Variants in IL12RB1 observed in about 807,000 individuals in gnomAD.
The protein encoded by IL12RB1 is interleukin-12 receptor subunit beta-1.
In IL12RB1, 64 loss-of-function variants were observed where a neutral mutation model predicts 94.4. That is an observed-to-expected ratio of 0.68 (90% CI 0.55 to 0.83). IL12RB1 has a LOEUF of 0.83. Ranked by LOEUF, IL12RB1 falls within the 40% of genes least tolerant of loss-of-function variation. IL12RB1 has a pLI of 0.00. For missense variants in IL12RB1, 814 were observed against 855.6 expected (o/e 0.95, Z 0.61); for synonymous variants, 362 against 355.5 (o/e 1.02, Z -0.21).
intron 14 of IL12RB1, 59 bp downstream of exon 14, chr19:18,062,122 G>A: frequency 1.7e-6 from 2 of 1,182,402 alleles, no homozygotes; most frequent in Non-Finnish European, 2.5e-6. Context: ...CTCCACTTTA[G>A]GGCTCCCCTG....
At chr19:18,081,076 T>C in intron 3 of IL12RB1, 75 bp from the exon 4 acceptor site, 2 of 1,330,552 alleles carry the variant, frequency 1.5e-6, no homozygotes, top group Non-Finnish European at 2.1e-6. Flanking sequence ...GTGCATCACA[T>C]CCCAGCATCG....
At chr19:18,064,218 C>A (rs952067149) in intron 12 of IL12RB1, among the ~76,000 whole-genome samples, 3 of 145,068 alleles carry the variant, frequency 2.1e-5, no homozygotes, top group Non-Finnish European at 4.5e-5. Flanking sequence ...CGGCTCACTG[C>A]AAGCTCTGCC....
At chr19:18,077,383 A>G in intron 5 of IL12RB1, 133 bp downstream of exon 5, 1 of 728,818 alleles carries the variant, frequency 1.4e-6, no homozygotes, top group Non-Finnish European at 2.4e-6. Flanking sequence ...AAGAAAAAGA[A>G]AAAAACCACC....
upstream of IL12RB1, among the ~76,000 whole-genome samples, chr19:18,088,859 G>C (rs2036503868): frequency 6.6e-6 from 1 of 151,964 alleles, no homozygotes; most frequent in African/African-American, 2.4e-5. Context: ...GCGAAACCCT[G>C]TCTCTACTAA....
At chr19:18,061,326 G>T in intron 14 of IL12RB1, 129 bp from the exon 15 acceptor site, 1 of 577,908 alleles carries the variant, frequency 1.7e-6, no homozygotes, top group Non-Finnish European at 3.1e-6. Flanking sequence ...TGCCTCCTGG[G>T]TTCAATCGAT....
At chr19:18,087,120 C>A, upstream of IL12RB1, 1 of 503,420 alleles carries the variant, frequency 2.0e-6, no homozygotes, top group Non-Finnish European at 3.6e-6. Context: ...GGCCCCAGAC[C>A]TGAACTGAAC....
intron 4 of IL12RB1, 32 bp downstream of exon 4, chr19:18,080,800 A>G (rs1195074849): frequency 3.9e-6 from 6 of 1,527,162 alleles, no homozygotes; most frequent in Non-Finnish European, 4.5e-6. Flanking sequence ...TCTCTGGGTA[A>G]AAAACGGACG....
intron 10 of IL12RB1, 59 bp downstream of exon 10, chr19:18,069,487 C>A: frequency 6.7e-7 from 1 of 1,492,228 alleles, no homozygotes; most frequent in South Asian, 1.3e-5. Context: ...TTGAACCCAC[C>A]AGGACCTAAA....
chr19:18,068,623 A>C, intron 10 of IL12RB1, 97 bp from the exon 11 acceptor site: 1 of 976,774 alleles, frequency 1.0e-6, no homozygotes, highest in South Asian at 1.3e-5. Flanking sequence ...CCCCCAGAAA[A>C]CTCCTACTCA....
chr19:18,059,812 C>T, intron 16 of IL12RB1, 82 bp downstream of exon 16: 1 of 820,136 alleles, frequency 1.2e-6, no homozygotes, highest in Non-Finnish European at 2.1e-6. Flanking sequence ...GCCCTGATAT[C>T]CCAGGAGCGA....
intron 12 of IL12RB1, 62 bp from the exon 13 acceptor site, chr19:18,064,072 G>GT (rs2034374441): frequency 1.6e-6 from 2 of 1,236,218 alleles, no homozygotes; most frequent in Non-Finnish European, 2.4e-6. Flanking sequence ...GCCAGGCTGG[G>GT]CTACCACAGC....
intron 1 of IL12RB1, among the ~76,000 whole-genome samples, chr19:18,098,359 C>G (rs1016999768): frequency 7.4e-6 from 1 of 135,852 alleles, no homozygotes; most frequent in Non-Finnish European, 1.7e-5. Flanking sequence ...CAGAGGTCGC[C>G]TAGCTGGGAT....
intron 1 of IL12RB1, among the ~76,000 whole-genome samples, chr19:18,085,907 C>A (rs527445529): frequency 1.0e-3 from 151 of 151,250 alleles, no homozygotes; most frequent in Non-Finnish European, 1.8e-3. Flanking sequence ...CCGTGCAGGG[C>A]CTGAGATTAT....
Position 18,086,805 on chromosome 19 carries a change from A to G in IL12RB1, c.19T>C (p.Trp7Arg), listed in dbSNP as rs775656716. The G allele has an allele frequency of 5.6e-6, 9 of 1,611,766 alleles. No individual in the cohort carries two copies. The Middle Eastern group carries it at 9.9e-4, about 177-fold the overall frequency. The change falls in exon 1 of 17, where the codon TGG (tryptophan) becomes CGG (arginine). Residue 7 changes from tryptophan to arginine, a missense_variant. Trp to Arg is a moderately radical substitution (Grantham distance 101). Transcript: ENST00000593993. ...AAGAGGAAGAGGAGGGGGACCACCC[A>G]GGTCACCAGCGGCTCCATCGGATCC... MEPLVTWVVPLLFLFLL... is the reference protein window; with the variant it reads MEPLVTRVVPLLFLFLL...
intron 1 of IL12RB1, among the ~76,000 whole-genome samples, chr19:18,083,990 T>C (rs1226712942): frequency 4.4e-4 from 65 of 146,924 alleles, no homozygotes; most frequent in African/African-American, 1.5e-3. Flanking sequence ...CATGTATTCA[T>C]CCATCCATGC....
chr19:18,069,987 C>T (rs2034904608), intron 9 of IL12RB1, among the ~76,000 whole-genome samples: 1 of 152,080 alleles, frequency 6.6e-6, no homozygotes, highest in Admixed American at 6.6e-5. Context: ...ATGATCTCGG[C>T]TCCCTGCAAC....
intron 8 of IL12RB1, among the ~76,000 whole-genome samples, chr19:18,072,727 C>A (rs1423202770): frequency 6.6e-6 from 1 of 152,030 alleles, no homozygotes; most frequent in Non-Finnish European, 1.5e-5. Flanking sequence ...ACGGGTAGAT[C>A]ATGAGGTCAG....
At chr19:18,095,239 C>T (rs1329753254) in intron 1 of IL12RB1, among the ~76,000 whole-genome samples, 2 of 152,098 alleles carry the variant, frequency 1.3e-5, no homozygotes, top group Non-Finnish European at 1.5e-5. Flanking sequence ...TTTATAGCAG[C>T]TCTATTCAGA....
intron 3 of IL12RB1, among the ~76,000 whole-genome samples, chr19:18,081,840 AAGAAAAAATGGATGG>A (rs1568516553): frequency 3.0e-5 from 4 of 135,010 alleles, no homozygotes; most frequent in Admixed American, 7.4e-5. Context: ...AAAAAGAAAA[AAGAAAAAATGGATGG>A]ATGGATGGAT....
Sources: gnomAD v4.1 joint callset for allele counts (sites outside exome capture counted in the v4.1 genomes callset) on GRCh38, gnomAD v4.1.1 for gene constraint, MANE v1.5 for transcripts, NCBI Gene and HGNC (gene_info 2026-07-23, HGNC 2026-07-21) for gene names.